MBNL1: variants seen among roughly 807,000 people sequenced by gnomAD.
MBNL1 encodes the protein muscleblind like splicing regulator 1.
A neutral mutation model predicts 42.2 loss-of-function variants in MBNL1; 8 were observed. That is an observed-to-expected ratio of 0.19 (90% confidence interval 0.11 to 0.34). The LOEUF (loss-of-function observed/expected upper bound fraction) is 0.34. Ranked by LOEUF, MBNL1 falls within the 10% of genes least tolerant of loss-of-function variation. The pLI is 1.00. For synonymous variants in MBNL1, 169 were observed against 173.9 expected (o/e 0.97, Z 0.22); for missense variants, 309 against 495.3 (o/e 0.62, Z 3.57).
At chr3:152,272,235 G>A (rs756478169) in intron 1 of MBNL1, among the ~76,000 whole-genome samples, 27 of 152,004 alleles carry the variant, frequency 1.8e-4, no homozygotes, top group African/African-American at 5.8e-4. Context: ...GAAATACCTC[G>A]TCTTTCTTAT....
rs147458899 is a variant in MBNL1 at position 152,337,937 on chromosome 3, C to G, written c.174+37570C>G. ...TGTCTTTCCGTTTTCTCATCTAATT[C>G]CCAATAATGTTGCCTTTTAATTTCT... On this transcript the variant is annotated intron_variant, in intron 2 of 9. Transcript: ENST00000324210. 4.4e-5 allele frequency: 9 copies of G among 205,452 alleles called. No homozygotes were observed. The East Asian group carries it at 1.7e-3, about 38-fold the overall frequency. 12.7% of individuals were successfully genotyped at this position (205,452 alleles called of 1,614,324 possible). A position where few individuals can be genotyped will look rare whatever the true frequency, so the allele number is the denominator to read the frequency against.
At chr3:152,365,010 T>G (rs1261980500) in intron 2 of MBNL1, among the ~76,000 whole-genome samples, 1 of 152,166 alleles carries the variant, frequency 6.6e-6, no homozygotes, top group Non-Finnish European at 1.5e-5. Context: ...CTTTGACAAT[T>G]GACCTCTCCT....
At chr3:152,376,331 A>G (rs377696086) in intron 2 of MBNL1, among the ~76,000 whole-genome samples, 34 of 152,330 alleles carry the variant, frequency 2.2e-4, no homozygotes, top group African/African-American at 7.7e-4. Flanking sequence ...AAAGTCTCAC[A>G]TATTATCTCG....
At chr3:152,335,573 T>C (rs1326972312) in intron 2 of MBNL1, among the ~76,000 whole-genome samples, 1 of 152,212 alleles carries the variant, frequency 6.6e-6, no homozygotes, top group East Asian at 1.9e-4. Flanking sequence ...TAAAAATAAC[T>C]CTGTGGTATA....
chr3:152,325,248 G>C (rs2079062228), intron 2 of MBNL1, among the ~76,000 whole-genome samples: 1 of 151,530 alleles, frequency 6.6e-6, no homozygotes. Context: ...CTCTAGACCT[G>C]GCCACATAAC....
intron 6 of MBNL1, among the ~76,000 whole-genome samples, chr3:152,452,849 T>C (rs1371380205): frequency 6.6e-6 from 1 of 152,180 alleles, no homozygotes; most frequent in Non-Finnish European, 1.5e-5. Context: ...ACATTTACTT[T>C]AAACAACTTC....
At chr3:152,259,077 G>C (rs2035866406) in intron 2 of MBNL1, among the ~76,000 whole-genome samples, 2 of 152,202 alleles carry the variant, frequency 1.3e-5, no homozygotes, top group African/African-American at 2.4e-5. Flanking sequence ...TCTTTAGAGA[G>C]TACAACTCCA....
At chr3:152,314,085 A>G (rs940859899) in intron 2 of MBNL1, among the ~76,000 whole-genome samples, 4 of 152,236 alleles carry the variant, frequency 2.6e-5, no homozygotes, top group African/African-American at 9.6e-5. Context: ...AGACTCACCT[A>G]AGACTTTTCT....
chr3:152,338,308 G>A (rs547011972), intron 2 of MBNL1: 32 of 985,186 alleles, frequency 3.2e-5, no homozygotes, highest in Admixed American at 6.2e-5. Context: ...GTTGTGCTGC[G>A]TGGTCATGTC....
At chr3:152,247,941 T>G (rs1284586346) in intron 2 of MBNL1, among the ~76,000 whole-genome samples, 1 of 151,950 alleles carries the variant, frequency 6.6e-6, no homozygotes. Context: ...TGAACCAGTA[T>G]AAAATTTCAT....
At chr3:152,413,703 T>G (rs990576747) in intron 2 of MBNL1, among the ~76,000 whole-genome samples, 2 of 152,240 alleles carry the variant, frequency 1.3e-5, no homozygotes, top group African/African-American at 4.8e-5. Context: ...GTTTTTAGAA[T>G]GTGAATGATG....
intron 2 of MBNL1, among the ~76,000 whole-genome samples, chr3:152,381,073 A>G (rs1032874025): frequency 2.0e-5 from 3 of 152,068 alleles, no homozygotes; most frequent in African/African-American, 7.2e-5. Context: ...ACAACCATGC[A>G]TCTTTTCTCA....
chr3:152,425,342 G>A (rs2098906990), intron 3 of MBNL1, among the ~76,000 whole-genome samples: 1 of 151,862 alleles, frequency 6.6e-6, no homozygotes, highest in African/African-American at 2.4e-5. Flanking sequence ...GCAAATCAGG[G>A]TCCGGGTGTG....
chr3:152,448,488 T>C (rs1263987135), intron 6 of MBNL1, among the ~76,000 whole-genome samples: 1 of 152,176 alleles, frequency 6.6e-6, no homozygotes, highest in African/African-American at 2.4e-5. Context: ...TTATTCACTC[T>C]GAACTTACTT....
chr3:152,265,859 T>C (rs1036834415), upstream of MBNL1: 3 of 152,174 alleles, frequency 2.0e-5, no homozygotes, highest in African/African-American at 7.2e-5. Flanking sequence ...TTCACAGAAA[T>C]AGGAGAAACC....
intron 1 of MBNL1, among the ~76,000 whole-genome samples, chr3:152,291,676 T>G (rs553515547): frequency 6.6e-6 from 1 of 152,224 alleles, no homozygotes; most frequent in Non-Finnish European, 1.5e-5. Flanking sequence ...TCATGGAGCT[T>G]ACATTTTTGT....
chr3:152,382,942 A>G (rs1028007594), intron 2 of MBNL1, among the ~76,000 whole-genome samples: 2 of 152,034 alleles, frequency 1.3e-5, no homozygotes, highest in African/African-American at 4.8e-5. Flanking sequence ...AATGATTCTC[A>G]CTTGAGAGGT....
chr3:152,361,960 G>A (rs1300367929), intron 2 of MBNL1, among the ~76,000 whole-genome samples: 1 of 152,142 alleles, frequency 6.6e-6, no homozygotes, highest in Non-Finnish European at 1.5e-5. Context: ...GTTGCTCTCA[G>A]CAAGGAGTTA....
chr3:152,317,493 T>A (rs913891730), intron 2 of MBNL1, among the ~76,000 whole-genome samples: 1 of 152,074 alleles, frequency 6.6e-6, no homozygotes, highest in African/African-American at 2.4e-5. Flanking sequence ...CTAATTTTTG[T>A]ATTTTTTGTA....
Sources: gnomAD v4.1 joint callset for allele counts (sites outside exome capture counted in the v4.1 genomes callset) on GRCh38, gnomAD v4.1.1 for gene constraint, MANE v1.5 for transcripts, NCBI Gene and HGNC (gene_info 2026-07-23, HGNC 2026-07-21) for gene names.